The following CDK11B variants were observed in gnomAD, a reference collection of about 807,000 sequenced individuals.
CDK11B encodes cyclin dependent kinase 11B, also known as cyclin-dependent kinase 11B.
In CDK11B, 37 loss-of-function variants were observed where a neutral mutation model predicts 84.0. That is an observed-to-expected ratio of 0.44 (90% confidence interval 0.34 to 0.58). CDK11B has a LOEUF of 0.58. CDK11B is among the 20% of genes least tolerant of loss of function. CDK11B has a pLI of 0.02. For missense variants in CDK11B, 427 were observed against 834.0 expected (o/e 0.51, Z 6.01); for synonymous variants, 269 against 309.8 (o/e 0.87, Z 1.38).
At chr1:1,649,376 C>G in intron 5 of CDK11B, 123 bp downstream of exon 5, 1 of 705,886 alleles carries the variant, frequency 1.4e-6, no homozygotes, top group Non-Finnish European at 2.4e-6. Flanking sequence ...GCTGGGATTA[C>G]AGGCGTGAGC....
Position 1,635,803 on chromosome 1 carries a change from C to T in CDK11B, c.2310G>A (p.Gly770=). The change falls in exon 20 of 20, where the codon GGG becomes GGA. Residue 770 remains glycine, a synonymous_variant. Transcript: ENST00000341832. ...TGFHLTTTNQ[G]ASAAGPGFSL... ...TGAAGCCGGGGCCCGCGGCAGAGGC[C>T]CCCTGGTTCGTGGTGGTAAGGTGGA... The T allele has an allele frequency of 5.8e-6, 2 of 347,334 alleles. No individual in the cohort carries two copies. The highest frequency in any genetic ancestry group is 5.0e-5 in the South Asian group (2 of 40,074). 21.5% of individuals were successfully genotyped at this position (347,334 alleles called of 1,614,324 possible).
Position 1,649,623 on chromosome 1 carries a change from C to G in CDK11B, c.370G>C (p.Val124Leu). The G allele has an allele frequency of 6.2e-7, 1 of 1,610,636 alleles. No individual in the cohort carries two copies. The highest frequency in any genetic ancestry group is 8.5e-7 in the Non-Finnish European group (1 of 1,177,208). The change falls in exon 5 of 20, where the codon GTG (valine) becomes CTG (leucine). Residue 124 changes from valine (V) to leucine (L), a missense_variant. By Grantham distance (32) the Val-to-Leu change is conservative (BLOSUM62 1). Transcript: ENST00000341832. ...HSAEGGKHAR[V>L]KEKEREHERR... is the part of the protein sequence containing the mutation. ...TCGTGCTCTCTTTCTTTTTCTTTCA[C>G]TCTAGCATGCTTCCCTAATGAGAAA...
chr1:1,645,064 C>T, intron 6 of CDK11B, 62 bp downstream of exon 6: 1 of 743,304 alleles, frequency 1.3e-6, no homozygotes, highest in South Asian at 1.7e-5. Context: ...CAGCAAGTGC[C>T]CAGCACCAGG....
intron 1 of CDK11B, among the ~76,000 whole-genome samples, chr1:1,658,115 G>A (rs61776762): frequency 0.062 from 6,735 of 108,580 alleles, 30 homozygotes; most frequent in African/African-American, 0.13. Flanking sequence ...CGGAGGTTCC[G>A]GTGAGCCGAG....
chr1:1,639,443 C>G (rs1229672272), intron 11 of CDK11B, among the ~76,000 whole-genome samples: 2 of 151,842 alleles, frequency 1.3e-5, no homozygotes, highest in Non-Finnish European at 1.5e-5. Flanking sequence ...CCAAGAGTCT[C>G]TTTGTCAAAC....
At chr1:1,645,052 G>A (rs1640838770) in intron 6 of CDK11B, 74 bp downstream of exon 6, 1 of 721,996 alleles carries the variant, frequency 1.4e-6, no homozygotes, top group African/African-American at 2.0e-5. Flanking sequence ...GCCCGCCTGT[G>A]ACAGCAAGTG....
chr1:1,637,380 C>G (rs773360175), intron 14 of CDK11B, 28 bp downstream of exon 14: 1 of 1,607,892 alleles, frequency 6.2e-7, no homozygotes, highest in Non-Finnish European at 8.5e-7. Context: ...CACTTGTACG[C>G]AGACAGGCCC....
intron 2 of CDK11B, 127 bp downstream of exon 2, chr1:1,657,248 G>C (rs1189956834): frequency 6.2e-7 from 1 of 1,613,976 alleles, no homozygotes; most frequent in East Asian, 2.2e-5. Flanking sequence ...AATAGATTTT[G>C]GGCTCACCTG....
chr1:1,636,857 C>T lies in CDK11B; in HGVS notation c.1800+40G>A, dbSNP rs760342490. On this transcript the variant is annotated intron_variant, in intron 16 of 19. Coordinates refer to ENST00000341832, the MANE Select transcript of CDK11B (RefSeq NM_033486.3). Reference sequence around the variant, plus strand: ...GTGCCCGCGAAGCTGTGGGAGGCTGCGTGGGGGACAGGGGAGGCACTCAGA... The same window carrying T: ...GTGCCCGCGAAGCTGTGGGAGGCTGTGTGGGGGACAGGGGAGGCACTCAGA... 8.1e-6 allele frequency: 13 copies of T among 1,611,904 alleles called. 1 individual carries two copies. The highest frequency in any genetic ancestry group is 5.5e-5 in the South Asian group (5 of 90,988).
At chr1:1,656,654 T>G (rs1488679141) in intron 2 of CDK11B, among the ~76,000 whole-genome samples, 3 of 151,898 alleles carry the variant, frequency 2.0e-5, no homozygotes, top group African/African-American at 4.8e-5. Context: ...GCTTGGCATG[T>G]TGGTGGGCCC....
chr1:1,646,650 A>G (rs1311396619), intron 5 of CDK11B: 1 of 518,006 alleles, frequency 1.9e-6, no homozygotes, highest in African/African-American at 1.9e-5. Context: ...GTCTGGTGTC[A>G]TTTCTATTCA....
In CDK11B at chr1:1,637,022, C is replaced by T. The variant is rs146043578; in HGVS notation, c.1693-18G>A. On this transcript the variant is annotated intron_variant, in intron 15 of 19. Coordinates refer to ENST00000341832, the MANE Select transcript of CDK11B (RefSeq NM_033486.3). ...TCACCCACCTGCAACGACAGATGGG[C>T]GGCTGTGAGTGGGCCCCGGCAGGTC... 2,729 of 1,612,918 alleles carry T rather than the reference C, an allele frequency of 1.7e-3. 66 individuals are homozygous for T. In the East Asian group the frequency reaches 0.046, roughly 27 times the overall value.
intron 10 of CDK11B, among the ~76,000 whole-genome samples, 180 bp downstream of exon 10, chr1:1,640,868 C>T (rs1179417563): frequency 1.3e-5 from 2 of 150,812 alleles, no homozygotes; most frequent in Non-Finnish European, 3.0e-5. Flanking sequence ...CGCCCTTGGT[C>T]AGCACTGTGC....
In CDK11B at chr1:1,636,704, T is replaced by C; in HGVS notation, c.1895A>G (p.Asp632Gly). 1.2e-6 allele frequency: 2 copies of C among 1,613,940 alleles called. No homozygotes were observed. Among genetic ancestry groups the C allele is most frequent in the Non-Finnish European group, 8.5e-7 (1 of 1,179,872 alleles). The change falls in exon 17 of 20, where the codon GAT becomes GGT. Residue 632 changes from aspartate to glycine, a missense_variant. Transcript: ENST00000341832. ...KPLFPGKSEI[D>G]QINKVFKDLG... The stretch of plus-strand genomic sequence containing the variant: ...CACCTTGAACACCTTGTTGATCTGA[T>C]CGATTTCTGACTTCCCGGGGAACAG...
At chr1:1,649,474 T>C in intron 5 of CDK11B, 25 bp downstream of exon 5, 1 of 1,508,950 alleles carries the variant, frequency 6.6e-7, no homozygotes, top group Non-Finnish European at 9.2e-7. Context: ...TTTTATAAAG[T>C]CCTCAACTGA....
intron 2 of CDK11B, among the ~76,000 whole-genome samples, chr1:1,656,036 T>C (rs1051309202): frequency 1.3e-5 from 2 of 152,224 alleles, no homozygotes; most frequent in African/African-American, 4.8e-5. Flanking sequence ...TAGTTGCTTA[T>C]ATGAGCCAAA....
rs377621360 is a variant in CDK11B at position 1,636,807 on chromosome 1, T to C, written c.1801-9A>G. 166 of 1,613,198 alleles carry C rather than the reference T, an allele frequency of 1.0e-4. 1 individual carries two copies. Among genetic ancestry groups the C allele is most frequent in the African/African-American group, 6.0e-4 (45 of 74,682 alleles). ...ACGGCCGTGGAGTATTCCTAAGAGG[T>C]CAGGAGAGGTGTTCAGGAGGGCCAG... On this transcript the variant is annotated splice_polypyrimidine_tract_variant and intron_variant, in intron 16 of 19. Transcript: ENST00000341832.
intron 10 of CDK11B, 143 bp downstream of exon 10, chr1:1,640,905 G>C (rs1208082672): frequency 2.1e-5 from 20 of 967,510 alleles, no homozygotes; most frequent in East Asian, 5.2e-5. Flanking sequence ...GGCCCCACCG[G>C]CACAGCCTGG....
At chr1:1,639,805 A>G (rs1049056459) in intron 11 of CDK11B, among the ~76,000 whole-genome samples, 4 of 152,016 alleles carry the variant, frequency 2.6e-5, no homozygotes, top group African/African-American at 9.7e-5. Context: ...GCTCCCAACA[A>G]TATCCTGCCT....
Sources: gnomAD v4.1 joint callset for allele counts (sites outside exome capture counted in the v4.1 genomes callset) on GRCh38, gnomAD v4.1.1 for gene constraint, MANE v1.5 for transcripts, NCBI Gene and HGNC (gene_info 2026-07-23, HGNC 2026-07-21) for gene names.